Variants in NUDT17 observed in about 807,000 individuals in gnomAD.
NUDT17 encodes the protein m7GpppN-mRNA hydrolase NUDT17.
In NUDT17, 38 loss-of-function variants were observed where a neutral mutation model predicts 38.6. The observed-to-expected ratio is 0.98, with a 90% CI of 0.76 to 1.29. NUDT17 has a LOEUF of 1.29. Among genes scored for constraint, NUDT17 ranks in the 50% most tolerant of loss-of-function variants. The pLI, the probability that NUDT17 is intolerant of heterozygous loss-of-function variation, is 0.00. For synonymous variants in NUDT17, 192 were observed against 167.8 expected, an observed-to-expected ratio of 1.14 and a Z score of -1.11; for missense variants, 462 against 415.2, an observed-to-expected ratio of 1.11 and a Z score of -0.98.
Position 145,846,062 on chromosome 1 carries a change from C to T in NUDT17, c.242C>T (p.Pro81Leu), listed in dbSNP as rs1559158557. ...FAALEERPRV[P>L]GAELPTDRGV... ...GCCCTGGAGGAGCGGCCCAGGGTCC[C>T]TGGGGCTGAGCTGCCCACAGATCGA... Residue 81 changes from proline (P) to leucine (L), a missense_variant, in exon 2 of 8, where the codon CCT (proline) becomes CTT (leucine). Physicochemically the swap from Pro to Leu is moderately conservative, Grantham distance 98 (BLOSUM62 -3). Transcript: ENST00000334513. The T allele has an allele frequency of 4.4e-6, 7 of 1,605,522 alleles. No homozygotes were observed. The South Asian group carries it at 7.8e-5, about 18-fold the overall frequency.
Position 145,848,242 on chromosome 1 carries a change from C to G in NUDT17, c.862C>G (p.Leu288Val). ...VSTGTKFALK[L>V]WLQHLGRTPP... Reference sequence around the variant, plus strand: ...CACTGGAACCAAGTTTGCCCTCAAGCTCTGGCTGCAACATCTGGGCAGGTA... The same window carrying G: ...CACTGGAACCAAGTTTGCCCTCAAGGTCTGGCTGCAACATCTGGGCAGGTA... Residue 288 changes from leucine (L) to valine (V), a missense_variant, in exon 7 of 8, where the codon CTC becomes GTC. Transcript: ENST00000334513. 3.1e-6 allele frequency: 5 copies of G among 1,614,224 alleles called. No individual in the cohort carries two copies. Among genetic ancestry groups the G allele is most frequent in the Non-Finnish European group, 4.2e-6 (5 of 1,180,028 alleles).
At chr1:145,846,325 C>A in intron 2 of NUDT17, 108 bp from the exon 3 acceptor site, 1 of 1,462,096 alleles carries the variant, frequency 6.8e-7, no homozygotes, top group Non-Finnish European at 9.6e-7. Context: ...TCACAAGGGA[C>A]TGCAACTCCC....
In NUDT17 at chr1:145,848,284, G is replaced by A. The variant is rs1652810359; in HGVS notation, c.884+20G>A. 10 of 1,614,036 alleles carry A rather than the reference G, an allele frequency of 6.2e-6. No individual in the cohort carries two copies. Among genetic ancestry groups the A allele is most frequent in the Non-Finnish European group, 8.5e-6 (10 of 1,179,892 alleles). ...GGGCAGGTAAAAGTGAAAAAGGACT[G>A]GAGAGCTCCACAGTACTGGGCTGGA... On this transcript the variant is annotated intron_variant, in intron 7 of 7. Coordinates refer to ENST00000334513, the MANE Select transcript of NUDT17 (RefSeq NM_001012758.3).
chr1:145,847,310 C>A lies in NUDT17; in HGVS notation c.556C>A (p.Leu186Ile). ...CAAATACCATCACATTGTTCTGTAT[C>A]TACTCGTGATCTCCCAGGAATCACA... ...LPKYHHIVLY[L>I]LVISQESQQQ... Residue 186 changes from leucine to isoleucine, a missense_variant, in exon 5 of 8, where the codon CTA becomes ATA. By Grantham distance (5) the Leu-to-Ile change is conservative. Coordinates refer to ENST00000334513, the MANE Select transcript of NUDT17 (RefSeq NM_001012758.3). 4 of 1,611,694 alleles carry A rather than the reference C, an allele frequency of 2.5e-6. No homozygotes were observed. The highest frequency in any genetic ancestry group is 3.4e-6 in the Non-Finnish European group (4 of 1,178,902).
Position 145,846,626 on chromosome 1 carries a change from G to A in NUDT17, c.431G>A (p.Trp144Ter). The A allele has an allele frequency of 1.2e-6, 2 of 1,614,184 alleles. No homozygotes were observed. The highest frequency in any genetic ancestry group is 1.7e-6 in the Non-Finnish European group (2 of 1,180,008). Residue 144 changes from tryptophan to a stop codon, truncating the protein, a stop_gained, in exon 4 of 8, where the codon TGG becomes TAG. Transcript: ENST00000334513. LOFTEE classifies it high-confidence loss of function. ...CTGGACGGAGGGCTTCGAGAACTTT[G>A]GGAGGAGAGTGGACTACACCTGCCC... Reference protein sequence around the residue: ...ELLDGGLRELWEESGLHLPQG... With the variant: ...ELLDGGLREL
At chr1:145,847,434 T>TG in intron 5 of NUDT17, 86 bp downstream of exon 5, 1 of 739,892 alleles carries the variant, frequency 1.4e-6, no homozygotes, top group Non-Finnish European at 2.2e-6. Context: ...TGGGCGGGGG[T>TG]GGCGGGGGTA....
At chr1:145,845,979 T>C (rs781911533) in intron 1 of NUDT17, 34 bp from the exon 2 acceptor site, 3 of 1,573,994 alleles carry the variant, frequency 1.9e-6, no homozygotes, top group Non-Finnish European at 2.6e-6. Flanking sequence ...GCCGCCCTTC[T>C]GAAGCCTTAA....
chr1:145,847,186 C>G (rs1404934252), intron 4 of NUDT17, 64 bp from the exon 5 acceptor site: 5 of 971,216 alleles, frequency 5.1e-6, no homozygotes, highest in Admixed American at 4.5e-5. Flanking sequence ...AAGAGCGAAA[C>G]TCCATCTTAA....
chr1:145,846,374 GT>G, intron 2 of NUDT17, 58 bp from the exon 3 acceptor site: 1 of 1,605,364 alleles, frequency 6.2e-7, no homozygotes, highest in Non-Finnish European at 8.5e-7. Flanking sequence ...TCAACAGTGA[GT>G]GGGGGCTCCC....
rs1190038268 is a variant in NUDT17 at position 145,848,841 on chromosome 1, T to A, written c.*362T>A. 11 of 186,896 alleles carry A rather than the reference T, an allele frequency of 5.9e-5. No homozygotes were observed. Among genetic ancestry groups the A allele is most frequent in the African/African-American group, 2.1e-4 (9 of 42,692 alleles). The allele number at this position is 186,896 out of a possible 1,614,324, so 11.6% of individuals were successfully genotyped here. A position where few individuals can be genotyped will look rare whatever the true frequency, so the allele number is the denominator to read the frequency against. On this transcript the variant is annotated 3_prime_UTR_variant, in exon 8 of 8. Transcript: ENST00000334513. ...TAAGGCCTTACATCCTCCTCTGTCA[T>A]ACTGGAGTAGGAGGCAGGGGAAGTC...
chr1:145,846,263 T>C lies in NUDT17; in HGVS notation c.376+67T>C, dbSNP rs781895257. On this transcript the variant is annotated intron_variant, in intron 2 of 7. Coordinates refer to ENST00000334513, the MANE Select transcript of NUDT17 (RefSeq NM_001012758.3). The stretch of plus-strand genomic sequence containing the variant: ...TTTGCCCTTTCCCCGCAACAATGTT[T>C]TTCCCAGTCTCAGAAGGATAAAGTG... 54 of 1,516,248 alleles carry C rather than the reference T, an allele frequency of 3.6e-5. No individual in the cohort carries two copies. In the South Asian group the frequency reaches 3.7e-4, roughly 10 times the overall value. 93.9% of individuals were successfully genotyped at this position (1,516,248 alleles called of 1,614,324 possible).
At chr1:145,847,527 CG>C (rs200628374) in intron 5 of NUDT17, 55 bp from the exon 6 acceptor site, 20,261 of 1,602,112 alleles carry the variant, frequency 0.013, 189 homozygotes, top group Non-Finnish European at 0.014. Context: ...GTTTTGATCA[CG>C]AACAGGCAGC....
At chr1:145,847,472 C>A in intron 5 of NUDT17, 111 bp from the exon 6 acceptor site, 1 of 1,469,316 alleles carries the variant, frequency 6.8e-7, no homozygotes, top group Admixed American at 1.7e-5. Context: ...ATATGCAATG[C>A]CCTTTCCCCT....
chr1:145,845,920 C>A (rs1158898401), intron 1 of NUDT17, 88 bp downstream of exon 1: 1 of 1,524,276 alleles, frequency 6.6e-7, no homozygotes, highest in Non-Finnish European at 8.9e-7. Flanking sequence ...GAGGACCCCG[C>A]CCCCAACGCG....
At position 145,848,748 on chromosome 1, in the gene NUDT17, G is replaced by A. The variant is rs1652834836; in HGVS notation, c.*269G>A. 1 of 385,632 alleles carries A rather than the reference G, an allele frequency of 2.6e-6. No individual in the cohort carries two copies. Among genetic ancestry groups the A allele is most frequent in the Non-Finnish European group, 4.7e-6 (1 of 214,118 alleles). 23.9% of individuals were successfully genotyped at this position (385,632 alleles called of 1,614,324 possible). ...GGGAATAAGAAACACTGTGAACTTA[G>A]ATATATAAATAGAGAGAGACCCAAG... On this transcript the variant is annotated 3_prime_UTR_variant, in exon 8 of 8. Coordinates refer to ENST00000334513, the MANE Select transcript of NUDT17 (RefSeq NM_001012758.3).
At position 145,845,780 on chromosome 1, in the gene NUDT17, T is replaced by A. The variant is rs781975388; in HGVS notation, c.140T>A (p.Leu47His). ...PIHCSLKRGR[L>H]VLSSRPFPGA... ...CACTGCAGCTTGAAGCGAGGACGGC[T>A]TGTCCTCTCGAGCAGGCCCTTCCCA... The change falls in exon 1 of 8, where the codon CTT becomes CAT. Residue 47 changes from leucine (L) to histidine (H), a missense_variant. Physicochemically the swap from Leu to His is moderately conservative, Grantham distance 99. Coordinates refer to ENST00000334513, the MANE Select transcript of NUDT17 (RefSeq NM_001012758.3). 1 of 1,592,512 alleles carries A rather than the reference T, an allele frequency of 6.3e-7. No individual in the cohort carries two copies. The highest frequency in any genetic ancestry group is 1.1e-5 in the South Asian group (1 of 87,528).
rs781910148 is a variant in NUDT17 at position 145,848,095 on chromosome 1, G to C, written c.732-17G>C. The C allele has an allele frequency of 6.2e-7, 1 of 1,612,644 alleles. No homozygotes were observed. Among genetic ancestry groups the C allele is most frequent in the East Asian group, 2.2e-5 (1 of 44,886 alleles). Reference sequence around the variant, plus strand: ...AAGCTACAAGGCACAGCCCCAACAGGAGTTGTCACCATGCAGTGCAGTGGA... The same window carrying C: ...AAGCTACAAGGCACAGCCCCAACAGCAGTTGTCACCATGCAGTGCAGTGGA... On this transcript the variant is annotated splice_polypyrimidine_tract_variant and intron_variant, in intron 6 of 7. Transcript: ENST00000334513.
Position 145,845,704 on chromosome 1 carries a change from A to AGT in NUDT17, c.72_73dup (p.Gly25ValfsTer19), listed in dbSNP as rs1169234130. On this transcript the variant is annotated frameshift_variant, in exon 1 of 8. Transcript: ENST00000334513. LOFTEE classifies it high-confidence loss of function. ...TCCGGAGTCGGTGAGCTTCGCACGG[A>AGT]GTGTGTGTGGCCTCCTGGGAGCCGG... The AGT allele has an allele frequency of 5.2e-5, 80 of 1,551,576 alleles. No homozygotes were observed. The highest frequency in any genetic ancestry group is 1.7e-4 in the Middle Eastern group (1 of 5,990).
chr1:145,848,014 A>G, intron 6 of NUDT17, 98 bp from the exon 7 acceptor site: 1 of 1,422,514 alleles, frequency 7.0e-7, no homozygotes, highest in Non-Finnish European at 9.8e-7. Context: ...ACACCCACCC[A>G]CCTCCTGTGG....
Sources: gnomAD v4.1 joint callset for allele counts on GRCh38, gnomAD v4.1.1 for gene constraint, MANE v1.5 for transcripts, NCBI Gene and HGNC (gene_info 2026-07-23, HGNC 2026-07-21) for gene names.